The following CNTNAP2 variants were observed in gnomAD, a reference collection of about 807,000 sequenced individuals.
CNTNAP2 encodes contactin associated protein 2, also known as contactin-associated protein-like 2.
Under a neutral mutation model 155.2 loss-of-function variants are expected in CNTNAP2, and 98 were observed. That is an observed-to-expected ratio of 0.63 (90% CI 0.54 to 0.75). CNTNAP2 has a LOEUF of 0.75. Among genes scored for constraint, CNTNAP2 ranks in the 30% least tolerant of loss-of-function variants. The pLI is 0.00. For synonymous variants in CNTNAP2, 651 were observed against 631.2 expected (o/e 1.03, Z -0.47); for missense variants, 1,727 against 1,688.1 (o/e 1.02, Z -0.40).
chr7:146,657,510 T>C (rs2129165178), intron 1 of CNTNAP2, among the ~76,000 whole-genome samples: 1 of 152,288 alleles, frequency 6.6e-6, no homozygotes, highest in East Asian at 1.9e-4. Context: ...CTCTTATTTC[T>C]TTAACCACAT....
intron 1 of CNTNAP2, among the ~76,000 whole-genome samples, chr7:146,700,730 C>A (rs1001054311): frequency 8.9e-5 from 13 of 146,638 alleles, no homozygotes; most frequent in Admixed American, 2.0e-4. Flanking sequence ...AAATCCCAGT[C>A]ATTGTTTATT....
In CNTNAP2 at chr7:147,226,294, C is replaced by T. The variant is rs143881185; in HGVS notation, c.1349-73847C>T. The stretch of plus-strand genomic sequence containing the variant: ...TGTTGCAATATGATCGAGGTCTTTA[C>T]TGACCCAGTGAAAACCTTCTACTGC... On this transcript the variant is annotated intron_variant, in intron 8 of 23. Coordinates refer to ENST00000361727, the MANE Select transcript of CNTNAP2 (RefSeq NM_014141.6). Among the ~76,000 whole-genome samples, 408 of 152,278 alleles carry T rather than the reference C, an allele frequency of 2.7e-3. 1 individual carries two copies. Among genetic ancestry groups the T allele is most frequent in the African/African-American group, 9.2e-3 (382 of 41,556 alleles).
intron 9 of CNTNAP2, among the ~76,000 whole-genome samples, chr7:147,326,456 CGGT>C (rs1437296516): frequency 1.3e-5 from 2 of 152,136 alleles, no homozygotes; most frequent in African/African-American, 4.8e-5. Context: ...TGAACATTTG[CGGT>C]GTTTCTGCTG....
chr7:147,715,944 C>T (rs1407620088), intron 13 of CNTNAP2, among the ~76,000 whole-genome samples: 1 of 152,092 alleles, frequency 6.6e-6, no homozygotes, highest in Admixed American at 6.6e-5. Context: ...ATCATTGCAT[C>T]GTCATTTATT....
intron 18 of CNTNAP2, among the ~76,000 whole-genome samples, chr7:148,204,999 T>G (rs1256446803): frequency 6.6e-6 from 1 of 152,224 alleles, no homozygotes; most frequent in Admixed American, 6.5e-5. Flanking sequence ...TGGAACTCAG[T>G]AGGAGCTCAT....
At chr7:146,880,696 A>G (rs1343998655) in intron 3 of CNTNAP2, among the ~76,000 whole-genome samples, 1 of 152,150 alleles carries the variant, frequency 6.6e-6, no homozygotes, top group Non-Finnish European at 1.5e-5. Flanking sequence ...GCAAGTACAA[A>G]ACTCTGCTGT....
chr7:146,204,405 T>C (rs1306627904), intron 1 of CNTNAP2, among the ~76,000 whole-genome samples: 1 of 152,164 alleles, frequency 6.6e-6, no homozygotes, highest in East Asian at 1.9e-4. Flanking sequence ...TTTTATTAGC[T>C]ATTCTCTGAT....
chr7:147,518,897 G>A (rs193081560), intron 11 of CNTNAP2, among the ~76,000 whole-genome samples: 141 of 152,058 alleles, frequency 9.3e-4, no homozygotes, highest in African/African-American at 3.4e-3. Context: ...AGGGAGTGGT[G>A]GCGGGCGCCT....
chr7:147,328,220 A>G (rs984252513), intron 9 of CNTNAP2, among the ~76,000 whole-genome samples: 1 of 152,224 alleles, frequency 6.6e-6, no homozygotes, highest in East Asian at 1.9e-4. Context: ...GGCAAGTATC[A>G]GAAAAAAGAA....
intron 9 of CNTNAP2, among the ~76,000 whole-genome samples, chr7:147,318,912 C>A (rs1309332079): frequency 6.6e-6 from 1 of 151,762 alleles, no homozygotes; most frequent in Admixed American, 6.6e-5. Flanking sequence ...TTAATTTTTT[C>A]TAATTTTACA....
intron 15 of CNTNAP2, among the ~76,000 whole-genome samples, chr7:148,112,362 G>A (rs183240770): frequency 6.6e-6 from 1 of 151,630 alleles, no homozygotes; most frequent in African/African-American, 2.4e-5. Context: ...TTATTGGTTG[G>A]CTTTTAAATA....
chr7:146,321,830 G>A (rs888766365), intron 1 of CNTNAP2, among the ~76,000 whole-genome samples: 10 of 152,136 alleles, frequency 6.6e-5, no homozygotes, highest in Non-Finnish European at 1.2e-4. Context: ...AAGTAATCTA[G>A]TTTAAAATAT....
At chr7:147,044,950 G>A (rs1799328466) in intron 4 of CNTNAP2, among the ~76,000 whole-genome samples, 1 of 152,078 alleles carries the variant, frequency 6.6e-6, no homozygotes, top group African/African-American at 2.4e-5. Flanking sequence ...CTGTGAAGGC[G>A]ATACCAACAC....
At chr7:146,520,639 T>C (rs1797604844) in intron 1 of CNTNAP2, among the ~76,000 whole-genome samples, 1 of 151,812 alleles carries the variant, frequency 6.6e-6, no homozygotes, top group Admixed American at 6.6e-5. Context: ...CACAATCCAC[T>C]CTGGTAGCTA....
chr7:146,502,864 C>T (rs1797327260), intron 1 of CNTNAP2, among the ~76,000 whole-genome samples: 2 of 152,204 alleles, frequency 1.3e-5, no homozygotes, highest in African/African-American at 4.8e-5. Context: ...ATCTGCCTGC[C>T]TCAGCCTACC....
intron 3 of CNTNAP2, among the ~76,000 whole-genome samples, chr7:147,027,089 T>G (rs2129248985): frequency 6.6e-6 from 1 of 152,120 alleles, no homozygotes; most frequent in Admixed American, 6.5e-5. Context: ...GGGGACTTAC[T>G]TATCTTCAAT....
intron 1 of CNTNAP2, among the ~76,000 whole-genome samples, chr7:146,193,510 G>A (rs1435311213): frequency 2.0e-5 from 3 of 152,350 alleles, no homozygotes; most frequent in African/African-American, 4.8e-5. Flanking sequence ...TGAAGCCACA[G>A]CCGAAGTTGT....
Position 147,208,557 on chromosome 7 carries a change from G to T in CNTNAP2, c.1348+76048G>T, listed in dbSNP as rs944052940. Among the ~76,000 whole-genome samples, 15 of 151,956 alleles carry T rather than the reference G, an allele frequency of 9.9e-5. No homozygotes were observed. The East Asian group carries it at 2.5e-3, about 25-fold the overall frequency. ...TACTGTCCCCTATGACTATCTGAAA[G>T]ACCTAGCTTAATGAAGATTGAATAA... is the stretch of plus-strand genomic sequence containing the variant. On this transcript the variant is annotated intron_variant, in intron 8 of 23. Transcript: ENST00000361727.
In CNTNAP2 at chr7:148,235,907, G is replaced by A. The variant is rs146366531; in HGVS notation, c.3381+6128G>A. On this transcript the variant is annotated intron_variant, in intron 20 of 23. Coordinates refer to ENST00000361727, the MANE Select transcript of CNTNAP2 (RefSeq NM_014141.6). ...TCACTGTGTTAGCCAGGATGGTCTC[G>A]ATCTCCTGACCTCGTGATCCACCCT... Among the ~76,000 whole-genome samples the A allele has an allele frequency of 7.9e-3, 1,203 of 152,012 alleles. 18 individuals carry two copies. The highest frequency in any genetic ancestry group is 0.027 in the African/African-American group (1,140 of 41,470).
Sources: gnomAD v4.1 joint callset for allele counts (sites outside exome capture counted in the v4.1 genomes callset) on GRCh38, gnomAD v4.1.1 for gene constraint, MANE v1.5 for transcripts, NCBI Gene and HGNC (gene_info 2026-07-23, HGNC 2026-07-21) for gene names.